The following MPPED1 variants were observed in gnomAD, a reference collection of about 807,000 sequenced individuals.
MPPED1 encodes metallophosphoesterase domain-containing protein 1.
In MPPED1, 16 loss-of-function variants were observed where a neutral mutation model predicts 36.2. The ratio of observed to expected loss-of-function variants is 0.44; its 90% CI spans 0.30 to 0.67. The LOEUF (loss-of-function observed/expected upper bound fraction) is 0.67, where lower values mean the gene tolerates loss of function less well. Among genes scored for constraint, MPPED1 ranks in the 30% least tolerant of loss-of-function variants. MPPED1 has a pLI of 0.10. For missense variants in MPPED1, 307 were observed against 453.4 expected (o/e 0.68, Z 2.93); for synonymous variants, 199 against 191.3 (o/e 1.04, Z -0.33).
chr22:43,497,726 T>G (rs2146917842), intron 4 of MPPED1, among the ~76,000 whole-genome samples: 1 of 147,094 alleles, frequency 6.8e-6, no homozygotes, highest in South Asian at 2.1e-4. Flanking sequence ...GAGCTTCCAG[T>G]ATAAGCAAGA....
intron 2 of MPPED1, among the ~76,000 whole-genome samples, chr22:43,430,925 C>T (rs1418275225): frequency 6.6e-6 from 1 of 150,876 alleles, no homozygotes; most frequent in East Asian, 1.9e-4. Flanking sequence ...TCTACTGGCC[C>T]ATATTAAGAA....
intron 6 of MPPED1, among the ~76,000 whole-genome samples, chr22:43,503,078 C>T (rs114349268): frequency 0.017 from 2,638 of 152,234 alleles, 54 homozygotes; most frequent in African/African-American, 0.038. Flanking sequence ...GCATTTGAGC[C>T]GTGACATGGA....
intron 3 of MPPED1, among the ~76,000 whole-genome samples, chr22:43,469,477 C>T (rs1931290485): frequency 6.6e-6 from 1 of 152,238 alleles, no homozygotes; most frequent in Admixed American, 6.5e-5. Flanking sequence ...TTGGTAAGAA[C>T]TGCAGGGCGA....
intron 3 of MPPED1, among the ~76,000 whole-genome samples, chr22:43,468,391 C>T (rs1259675607): frequency 6.6e-6 from 1 of 152,214 alleles, no homozygotes; most frequent in Non-Finnish European, 1.5e-5. Flanking sequence ...ACTGGCCTGT[C>T]TCCAGTTTCA....
At chr22:43,465,113 G>A (rs1931119360) in intron 3 of MPPED1, among the ~76,000 whole-genome samples, 1 of 152,244 alleles carries the variant, frequency 6.6e-6, no homozygotes, top group Non-Finnish European at 1.5e-5. Context: ...GGGAAACTGA[G>A]GCACGAGGAG....
At chr22:43,446,033 GCTGATTTTT>G (rs1930333511) in intron 3 of MPPED1, among the ~76,000 whole-genome samples, 1 of 149,144 alleles carries the variant, frequency 6.7e-6, no homozygotes, top group Non-Finnish European at 1.5e-5. Flanking sequence ...ACGACACCCG[GCTGATTTTT>G]CTATTTTTTG....
At chr22:43,412,668 C>CCCATCCATCCATCCAT (rs59354174) in intron 1 of MPPED1, among the ~76,000 whole-genome samples, 11,286 of 149,204 alleles carry the variant, frequency 0.076, 504 homozygotes, top group South Asian at 0.097. Context: ...ATCCCTCCCT[C>CCCATCCATCCATCCAT]CCATCCATCC....
intron 4 of MPPED1, among the ~76,000 whole-genome samples, chr22:43,496,954 GGTGGTGGTGGAGGTA>G (rs1569090115): frequency 3.1e-4 from 22 of 71,522 alleles, no homozygotes; most frequent in South Asian, 6.6e-4. Flanking sequence ...TGGTGGAGGT[GGTGGTGGTGGAGGTA>G]GTGGTGGTGG....
chr22:43,484,659 A>G (rs187323505), intron 4 of MPPED1, among the ~76,000 whole-genome samples: 1 of 152,332 alleles, frequency 6.6e-6, no homozygotes, highest in Admixed American at 6.5e-5. Flanking sequence ...GGAGACCTGC[A>G]TGGTGTTTCC....
At chr22:43,450,010 G>C (rs1930507842) in intron 3 of MPPED1, among the ~76,000 whole-genome samples, 2 of 152,168 alleles carry the variant, frequency 1.3e-5, no homozygotes, top group Non-Finnish European at 2.9e-5. Context: ...GTGGTTTGTA[G>C]AGCCAGGGAC....
chr22:43,498,331 A>T lies in MPPED1; in HGVS notation c.729A>T (p.Ile243=), dbSNP rs1051154631. The T allele has an allele frequency of 4.6e-5, 71 of 1,535,018 alleles. No individual in the cohort carries two copies. Among genetic ancestry groups the T allele is most frequent in the Non-Finnish European group, 5.1e-5 (59 of 1,146,388 alleles). ...NLIPEGVDIL[I]THGPPLGFLD... is the part of the protein sequence containing the mutation. Reference sequence around the variant, plus strand: ...TTCCCGAAGGCGTAGACATCCTGATAACCCATGGACCACCACTGGGTAAGG... The same window carrying T: ...TTCCCGAAGGCGTAGACATCCTGATTACCCATGGACCACCACTGGGTAAGG... The change falls in exon 5 of 7, where the codon ATA becomes ATT. Residue 243 remains isoleucine (I), a synonymous_variant. Coordinates refer to ENST00000443721, the MANE Select transcript of MPPED1 (RefSeq NM_001044370.2).
At chr22:43,418,422 C>T (rs758822681) in intron 1 of MPPED1, 3 of 313,074 alleles carry the variant, frequency 9.6e-6, no homozygotes, top group South Asian at 2.7e-5. Flanking sequence ...GAGGGGCCAC[C>T]AGAATGATCC....
At chr22:43,453,988 T>G (rs1368073726) in intron 3 of MPPED1, among the ~76,000 whole-genome samples, 1 of 152,074 alleles carries the variant, frequency 6.6e-6, no homozygotes, top group Non-Finnish European at 1.5e-5. Context: ...TCTACTTTCT[T>G]TTTTAAAATT....
At chr22:43,493,473 G>A (rs1246926460) in intron 4 of MPPED1, among the ~76,000 whole-genome samples, 2 of 152,198 alleles carry the variant, frequency 1.3e-5, no homozygotes, top group African/African-American at 4.8e-5. Context: ...CAATGGCAAA[G>A]CCCACCCCTC....
chr22:43,464,977 C>T (rs1261954881), intron 3 of MPPED1, among the ~76,000 whole-genome samples: 2 of 152,204 alleles, frequency 1.3e-5, no homozygotes, highest in Non-Finnish European at 2.9e-5. Flanking sequence ...CACCATCTGA[C>T]CCTGTTAACA....
At chr22:43,444,279 G>GGT (rs35340638) in intron 3 of MPPED1, among the ~76,000 whole-genome samples, 2,457 of 141,950 alleles carry the variant, frequency 0.017, 61 homozygotes, top group African/African-American at 0.055. Flanking sequence ...GACCCACTGG[G>GGT]GTGTGTGTGT....
chr22:43,453,095 A>G (rs1930630729), intron 3 of MPPED1, among the ~76,000 whole-genome samples: 1 of 151,552 alleles, frequency 6.6e-6, no homozygotes, highest in African/African-American at 2.4e-5. Flanking sequence ...GACTACAGGC[A>G]CCCGCTACCA....
rs1035274886 is a variant in MPPED1, at chr22:43,502,990, C to T, written c.862+233C>T. On this transcript the variant is annotated intron_variant, in intron 6 of 6. Transcript: ENST00000443721. The surrounding 1 kb of genome is among the most constrained non-coding windows in gnomAD (Gnocchi z 5.5). ...TGACTTAGGGGGTAAATTTTGCTTC[C>T]GGGGAGCCCTGCAACTCTGCTGTGC... 1.3e-5 allele frequency among the ~76,000 whole-genome samples: 2 copies of T among 152,158 alleles called. No homozygotes were observed. Among genetic ancestry groups the T allele is most frequent in the Non-Finnish European group, 1.5e-5 (1 of 68,020 alleles).
intron 1 of MPPED1, among the ~76,000 whole-genome samples, chr22:43,417,194 GGTT>G (rs1465505305): frequency 6.6e-6 from 1 of 152,172 alleles, no homozygotes; most frequent in African/African-American, 2.4e-5. Context: ...AAGTCACTGT[GGTT>G]GATCCTTTTG....
Sources: gnomAD v4.1 joint callset for allele counts (sites outside exome capture counted in the v4.1 genomes callset) on GRCh38, gnomAD v4.1.1 for gene constraint, Gnocchi (gnomAD v3.1) non-coding constraint, MANE v1.5 for transcripts, NCBI Gene and HGNC (gene_info 2026-07-23, HGNC 2026-07-21) for gene names.